The following WDR37 variants were observed in gnomAD, a reference collection of about 807,000 sequenced individuals.
WDR37 encodes the protein WD repeat domain 37.
In WDR37, 19 loss-of-function variants were observed where a neutral mutation model predicts 62.9. The ratio of observed to expected loss-of-function variants is 0.30; its 90% CI spans 0.21 to 0.44. The LOEUF is 0.44. WDR37 is among the 20% of genes least tolerant of loss of function. WDR37 has a pLI of 1.00. For synonymous variants in WDR37, 250 were observed against 260.9 expected, an observed-to-expected ratio of 0.96 and a Z score of 0.40; for missense variants, 474 against 657.6, an observed-to-expected ratio of 0.72 and a Z score of 3.05.
intron 10 of WDR37, among the ~76,000 whole-genome samples, chr10:1,104,132 C>A (rs546738992): frequency 6.6e-6 from 1 of 152,166 alleles, no homozygotes; most frequent in Non-Finnish European, 1.5e-5. Context: ...TGTCTTAAAA[C>A]GACAGGAATT....
Position 1,129,675 on chromosome 10 carries a change from A to ACCACCGAGATCTAC in WDR37, c.*331_*332insCCACCGAGATCTAC. 1 of 199,890 alleles carries ACCACCGAGATCTAC rather than the reference A, an allele frequency of 5.0e-6. No homozygotes were observed. The allele number at this position is 199,890 out of a possible 1,614,324, so 12.4% of individuals were successfully genotyped here. A position where few individuals can be genotyped will look rare whatever the true frequency, so the allele number is the denominator to read the frequency against. On this transcript the variant is annotated 3_prime_UTR_variant, in exon 14 of 14. Transcript: ENST00000263150. The stretch of plus-strand genomic sequence containing the variant: ...ATTACATTTGTGTGAATTAAATGTG[A>ACCACCGAGATCTAC]ACTTCTGTATTACGTTGCGGCGTCG...
intron 11 of WDR37, among the ~76,000 whole-genome samples, chr10:1,122,279 G>A (rs1835607033): frequency 6.6e-6 from 1 of 152,190 alleles, no homozygotes; most frequent in African/African-American, 2.4e-5. Context: ...ATGGATAGGT[G>A]GAAATTCACA....
At chr10:1,084,103 G>C (rs577186012) in intron 5 of WDR37, among the ~76,000 whole-genome samples, 66 of 152,278 alleles carry the variant, frequency 4.3e-4, no homozygotes, top group Non-Finnish European at 8.1e-4. Context: ...GAGAGGACCT[G>C]AAACACCTAA....
intron 1 of WDR37, among the ~76,000 whole-genome samples, chr10:1,069,390 T>TATA (rs1491098746): frequency 0.018 from 841 of 47,024 alleles, 9 homozygotes; most frequent in Non-Finnish European, 0.017. Flanking sequence ...TATATATATA[T>TATA]TTTTTTTTTT....
At chr10:1,126,354 T>C (rs10794722) in intron 13 of WDR37, among the ~76,000 whole-genome samples, 82,702 of 147,500 alleles carry the variant, frequency 0.56, 23,286 homozygotes, top group Admixed American at 0.6. Context: ...TGCAGTGAGC[T>C]GAGATCGCGC....
In WDR37 at chr10:1,079,994, A is replaced by G; in HGVS notation, c.236-17A>G. The G allele has an allele frequency of 6.2e-7, 1 of 1,612,040 alleles. No individual in the cohort carries two copies. Among genetic ancestry groups the G allele is most frequent in the Non-Finnish European group, 8.5e-7 (1 of 1,179,044 alleles). On this transcript the variant is annotated splice_polypyrimidine_tract_variant and intron_variant, in intron 3 of 13. Transcript: ENST00000263150. ...TAAAAACATACTTTAGATTTTTGAA[A>G]ACTTTTTTCTTCCCAGTACGTAGAG...
intron 4 of WDR37, 79 bp from the exon 5 acceptor site, chr10:1,080,333 C>A: frequency 6.3e-7 from 1 of 1,575,244 alleles, no homozygotes; most frequent in East Asian, 2.3e-5. Flanking sequence ...TCTTCCTGTG[C>A]AAGACACAAG....
rs748004612 is a variant in WDR37 at position 1,080,095 on chromosome 10, T to G, written c.320T>G (p.Leu107Arg). 6.2e-7 allele frequency: 1 copy of G among 1,613,964 alleles called. No individual in the cohort carries two copies. Among genetic ancestry groups the G allele is most frequent in the South Asian group, 1.1e-5 (1 of 91,084 alleles). ...IDGAELSKGQLKTKASHSTSQ... is the reference protein window; with the variant it reads ...IDGAELSKGQRKTKASHSTSQ... ...GGAGCAGAGCTGAGTAAGGGCCAAC[T>G]CAAAACAAAAGGTAAGGTGAATCCC... is the stretch of plus-strand genomic sequence containing the variant. The change falls in exon 4 of 14, where the codon CTC becomes CGC. Residue 107 changes from leucine (L) to arginine (R), a missense_variant. Physicochemically the swap from Leu to Arg is moderately radical, Grantham distance 102 (BLOSUM62 -2). Coordinates refer to ENST00000263150, the MANE Select transcript of WDR37 (RefSeq NM_014023.4).
At chr10:1,097,272 G>T (rs67615426) in intron 9 of WDR37, among the ~76,000 whole-genome samples, 1 of 152,132 alleles carries the variant, frequency 6.6e-6, no homozygotes, top group Non-Finnish European at 1.5e-5. Context: ...CAGTTGACAG[G>T]GAGGCGAGTG....
chr10:1,096,138 C>T (rs1249921739), intron 8 of WDR37, 32 bp from the exon 9 acceptor site: 2 of 1,611,702 alleles, frequency 1.2e-6, no homozygotes, highest in Non-Finnish European at 1.7e-6. Flanking sequence ...TGGTCTGTGC[C>T]TTGGGTAATT....
intron 7 of WDR37, 83 bp downstream of exon 7, chr10:1,086,440 C>G: frequency 9.0e-7 from 1 of 1,105,780 alleles, no homozygotes; most frequent in Non-Finnish European, 1.4e-6. Flanking sequence ...ATAAAGCCAG[C>G]TGCTACTGTG....
intron 1 of WDR37, among the ~76,000 whole-genome samples, chr10:1,071,122 C>T (rs574984749): frequency 3.9e-5 from 6 of 152,280 alleles, no homozygotes; most frequent in South Asian, 2.1e-4. Context: ...TTTTCCTTTA[C>T]GCTGATATAT....
At chr10:1,108,585 T>TA (rs757765752) in intron 11 of WDR37, among the ~76,000 whole-genome samples, 70 of 152,350 alleles carry the variant, frequency 4.6e-4, no homozygotes, top group Admixed American at 6.5e-4. Flanking sequence ...AGCTCATTGT[T>TA]ACGCTGAGTC....
At chr10:1,096,414 A>G in intron 9 of WDR37, 168 bp downstream of exon 9, 1 of 695,850 alleles carries the variant, frequency 1.4e-6, no homozygotes, top group Non-Finnish European at 2.5e-6. Flanking sequence ...CTAAGGTAGT[A>G]GTTAAGGTTC....
At chr10:1,077,872 C>T (rs981807079) in intron 2 of WDR37, 35 bp from the exon 3 acceptor site, 1 of 1,487,296 alleles carries the variant, frequency 6.7e-7, no homozygotes, top group Non-Finnish European at 9.3e-7. Flanking sequence ...GTTTTTCATT[C>T]ATTCATTCAT....
chr10:1,087,507 T>C (rs1458106760), intron 7 of WDR37, among the ~76,000 whole-genome samples: 2 of 152,218 alleles, frequency 1.3e-5, no homozygotes, highest in Non-Finnish European at 2.9e-5. Flanking sequence ...GAATGGATGT[T>C]GTGTTAGTAG....
At chr10:1,126,908 G>C (rs1835806688) in intron 13 of WDR37, among the ~76,000 whole-genome samples, 1 of 152,128 alleles carries the variant, frequency 6.6e-6, no homozygotes, top group South Asian at 2.1e-4. Flanking sequence ...CCAAATAGTG[G>C]AGTAGAAAAA....
chr10:1,084,997 TG>T (rs1298911079), intron 6 of WDR37, among the ~76,000 whole-genome samples: 1 of 152,286 alleles, frequency 6.6e-6, no homozygotes, highest in Non-Finnish European at 1.5e-5. Flanking sequence ...AGTCTCGCTC[TG>T]TTGCCCAGGC....
rs369517588 is a variant in WDR37, at chr10:1,076,445, C to T, written c.139-1462C>T. ...CTGTAATCCTAGAGCTTTGGGAGAC[C>T]GAGGTGGGCAGATCATGAGGTCAGG... On this transcript the variant is annotated intron_variant, in intron 2 of 13. Transcript: ENST00000263150. Among the ~76,000 whole-genome samples the T allele has an allele frequency of 1.6e-4, 24 of 151,900 alleles. No homozygotes were observed. In the East Asian group the frequency reaches 3.3e-3, roughly 21 times the overall value.
Sources: gnomAD v4.1 joint callset for allele counts (sites outside exome capture counted in the v4.1 genomes callset) on GRCh38, gnomAD v4.1.1 for gene constraint, MANE v1.5 for transcripts, NCBI Gene and HGNC (gene_info 2026-07-23, HGNC 2026-07-21) for gene names.